KDM4C: variants seen among roughly 807,000 people sequenced by gnomAD.
The protein encoded by KDM4C is lysine-specific demethylase 4C.
KDM4C carries 81 observed loss-of-function variants against 129.3 expected under a neutral mutation model. The ratio of observed to expected loss-of-function variants is 0.63; its 90% CI spans 0.52 to 0.75. The LOEUF is 0.75. KDM4C is among the 30% of genes least tolerant of loss of function. The pLI, the probability that KDM4C is intolerant of heterozygous loss-of-function variation, is 0.00. For synonymous variants in KDM4C, 573 were observed against 456.1 expected (o/e 1.26, Z -3.26); for missense variants, 1,457 against 1,304.0 (o/e 1.12, Z -1.81).
At chr9:6,801,150 A>G (rs981268462) in intron 2 of KDM4C, among the ~76,000 whole-genome samples, 1 of 150,744 alleles carries the variant, frequency 6.6e-6, no homozygotes. Context: ...TTTCAGAGTT[A>G]TAGGTACATG....
Position 6,825,812 on chromosome 9 carries a change from A to G in KDM4C, c.435+11067A>G, listed in dbSNP as rs1459153693. Among the ~76,000 whole-genome samples the G allele has an allele frequency of 3.3e-5, 5 of 151,984 alleles. No homozygotes were observed. The South Asian group carries it at 6.2e-4, about 19-fold the overall frequency. On this transcript the variant is annotated intron_variant, in intron 4 of 21. Transcript: ENST00000381309. ...ATTGTGGCAAATCTTTTTTTTATTT[A>G]TTTCTCTGTCTCTCTTAAGACAAGG...
intron 5 of KDM4C, among the ~76,000 whole-genome samples, chr9:6,852,789 C>T (rs1188585245): frequency 6.6e-6 from 1 of 152,106 alleles, no homozygotes; most frequent in Non-Finnish European, 1.5e-5. Flanking sequence ...CAAAGACTGC[C>T]TACGATTCCC....
intron 8 of KDM4C, among the ~76,000 whole-genome samples, chr9:6,958,512 G>C (rs1049916646): frequency 3.3e-5 from 5 of 151,834 alleles, no homozygotes; most frequent in Admixed American, 2.0e-4. Context: ...GCTCCAACCA[G>C]GGAGGCAGAG....
intron 8 of KDM4C, among the ~76,000 whole-genome samples, chr9:6,968,384 C>T (rs1831374105): frequency 6.6e-6 from 1 of 152,088 alleles, no homozygotes; most frequent in African/African-American, 2.4e-5. Flanking sequence ...CCAAGATTAC[C>T]ATTTATGTGT....
At chr9:6,972,759 A>C (rs1469078927) in intron 8 of KDM4C, among the ~76,000 whole-genome samples, 4 of 152,210 alleles carry the variant, frequency 2.6e-5, no homozygotes, top group African/African-American at 9.6e-5. Context: ...AACTGATTTA[A>C]ATCCAGTTCT....
At chr9:6,770,215 C>CAA (rs202070043) in intron 1 of KDM4C, among the ~76,000 whole-genome samples, 13,995 of 134,016 alleles carry the variant, frequency 0.1, 752 homozygotes, top group Non-Finnish European at 0.12. Flanking sequence ...CAAAAAACAC[C>CAA]AAAAAAAAAA....
At chr9:6,883,758 G>T (rs1325339031) in intron 6 of KDM4C, among the ~76,000 whole-genome samples, 2 of 152,144 alleles carry the variant, frequency 1.3e-5, no homozygotes, top group Non-Finnish European at 2.9e-5. Flanking sequence ...ATGGGGCTGG[G>T]CAGAGGCAGA....
chr9:6,745,136 C>T (rs1025128848), intron 1 of KDM4C, among the ~76,000 whole-genome samples: 1 of 152,078 alleles, frequency 6.6e-6, no homozygotes, highest in African/African-American at 2.4e-5. Flanking sequence ...AAGGAGAGGC[C>T]TTAAAGTCAA....
chr9:7,028,266 T>C (rs1194842388), intron 15 of KDM4C, among the ~76,000 whole-genome samples: 2 of 151,984 alleles, frequency 1.3e-5, no homozygotes, highest in African/African-American at 4.8e-5. Context: ...GTATCACTGC[T>C]GGTTATTCAG....
intron 18 of KDM4C, among the ~76,000 whole-genome samples, chr9:7,119,960 C>A (rs1186301199): frequency 1.2e-4 from 19 of 152,102 alleles, no homozygotes; most frequent in Non-Finnish European, 1.5e-5. Context: ...AGAAGGGACT[C>A]TCTCATTATT....
At chr9:7,136,438 C>A (rs781445869) in intron 19 of KDM4C, among the ~76,000 whole-genome samples, 1 of 152,198 alleles carries the variant, frequency 6.6e-6, no homozygotes, top group Non-Finnish European at 1.5e-5. Context: ...GCCATTTTAT[C>A]TTCCCACCAG....
chr9:6,970,362 T>C (rs1831750342), intron 8 of KDM4C, among the ~76,000 whole-genome samples: 1 of 152,252 alleles, frequency 6.6e-6, no homozygotes, highest in African/African-American at 2.4e-5. Flanking sequence ...TTGGTCACTG[T>C]AATTGTACCT....
intron 17 of KDM4C, chr9:7,077,164 C>T: frequency 1.0e-6 from 1 of 985,368 alleles, no homozygotes. Context: ...GGACCTGTTG[C>T]TGAAGCTCAT....
chr9:7,047,123 CTCT>C (rs1829519614), intron 16 of KDM4C, among the ~76,000 whole-genome samples: 2 of 151,944 alleles, frequency 1.3e-5, no homozygotes, highest in Non-Finnish European at 2.9e-5. Flanking sequence ...AGTTATGCTT[CTCT>C]TCTTTGTATT....
intron 7 of KDM4C, among the ~76,000 whole-genome samples, chr9:6,890,464 A>G (rs974754969): frequency 6.6e-5 from 10 of 152,134 alleles, no homozygotes; most frequent in African/African-American, 2.2e-4. Context: ...TGCCATATTC[A>G]TACATATGTA....
At chr9:6,840,763 A>T (rs1190629796) in intron 4 of KDM4C, among the ~76,000 whole-genome samples, 1 of 152,174 alleles carries the variant, frequency 6.6e-6, no homozygotes, top group African/African-American at 2.4e-5. Context: ...TTCATCTGTA[A>T]AATGAAATGA....
intron 1 of KDM4C, among the ~76,000 whole-genome samples, chr9:6,761,931 C>G (rs758431810): frequency 1.3e-5 from 2 of 152,032 alleles, no homozygotes; most frequent in Admixed American, 6.6e-5. Flanking sequence ...CTCAGCCTCC[C>G]GAGTAGCTGG....
chr9:7,139,774 C>T (rs2129835137), intron 19 of KDM4C, among the ~76,000 whole-genome samples: 1 of 152,266 alleles, frequency 6.6e-6, no homozygotes, highest in South Asian at 2.1e-4. Context: ...AACTTTATCT[C>T]ATATCATTAT....
chr9:6,815,938 G>A (rs1832008877), intron 4 of KDM4C, among the ~76,000 whole-genome samples: 1 of 152,120 alleles, frequency 6.6e-6, no homozygotes, highest in Non-Finnish European at 1.5e-5. Context: ...CAGGCATCAC[G>A]ATAGTTCACC....
Sources: allele counts gnomAD v4.1 joint callset (sites outside exome capture counted in the v4.1 genomes callset), GRCh38; gene constraint gnomAD v4.1.1; transcripts MANE v1.5; gene names NCBI Gene and HGNC (gene_info 2026-07-23, HGNC 2026-07-21).